CMSS1: variants seen among roughly 807,000 people sequenced by gnomAD.
CMSS1 encodes protein CMSS1.
Under a neutral mutation model 43.5 loss-of-function variants are expected in CMSS1, and 33 were observed. That is an observed-to-expected ratio of 0.76 (90% CI 0.57 to 1.01). CMSS1 has a LOEUF of 1.01. CMSS1 is among the 50% of genes least tolerant of loss of function. The pLI is 0.00. For missense variants in CMSS1, 313 were observed against 326.4 expected (o/e 0.96, Z 0.32); for synonymous variants, 115 against 117.2 (o/e 0.98, Z 0.12).
intron 1 of CMSS1, among the ~76,000 whole-genome samples, chr3:99,887,307 A>ATC (rs750427594): frequency 1.3e-5 from 2 of 152,136 alleles, no homozygotes; most frequent in Non-Finnish European, 2.9e-5. Flanking sequence ...TATCTGGTAG[A>ATC]TCTTCATCAG....
intron 1 of CMSS1, among the ~76,000 whole-genome samples, chr3:100,074,675 ATTTTTTTTTTTTTTTTTTTTT>A (rs555819875): frequency 5.8e-5 from 2 of 34,782 alleles, no homozygotes; most frequent in African/African-American, 1.2e-4. Context: ...GCAACATTTG[ATTTTTTTTTTTTTTTTTTTTT>A]TTTTTTTTTT....
intron 1 of CMSS1, among the ~76,000 whole-genome samples, chr3:100,075,935 T>C (rs1246342707): frequency 6.6e-6 from 1 of 152,206 alleles, no homozygotes; most frequent in Non-Finnish European, 1.5e-5. Flanking sequence ...CTAGAAATCT[T>C]CATTTCTGAT....
In CMSS1 at chr3:99,946,042, G is replaced by A. The variant is rs184952106; in HGVS notation, c.64+127999G>A. ...TATTTCTAGTAATAACCAATAAAAA[G>A]ATAAAGTTCTTGAAATTATGGTCTT... On this transcript the variant is annotated intron_variant, in intron 1 of 9. Transcript: ENST00000421999. Among the ~76,000 whole-genome samples the A allele has an allele frequency of 5.9e-5, 9 of 152,280 alleles. No individual in the cohort carries two copies. In the South Asian group the frequency reaches 1.7e-3, roughly 28 times the overall value.
intron 1 of CMSS1, among the ~76,000 whole-genome samples, chr3:99,869,124 G>A (rs1217388735): frequency 1.3e-5 from 2 of 152,206 alleles, no homozygotes; most frequent in Non-Finnish European, 2.9e-5. Context: ...AGAAGGACAA[G>A]TAGAGTTTTG....
At chr3:100,120,457 T>G (rs565253672) in intron 1 of CMSS1, among the ~76,000 whole-genome samples, 1 of 152,300 alleles carries the variant, frequency 6.6e-6, no homozygotes, top group East Asian at 1.9e-4. Flanking sequence ...ATACACGAGT[T>G]AGAAGTCTTT....
At position 99,819,757 on chromosome 3, in the gene CMSS1, CTTTTTTTT is replaced by C. The variant is rs551286788; in HGVS notation, c.64+1722_64+1729del. Among the ~76,000 whole-genome samples the C allele has an allele frequency of 3.7e-5, 5 of 136,034 alleles. No homozygotes were observed. In the East Asian group the frequency reaches 1.1e-3, roughly 29 times the overall value. The allele number at this position is 136,034 out of a possible 152,430, so 89.2% of individuals were successfully genotyped here. On this transcript the variant is annotated intron_variant, in intron 1 of 9. Transcript: ENST00000421999. ...TTTACCAACCAACAGTTTTTTTTTT[CTTTTTTTT>C]TTTTTTTGACACGGAGTCTCCCTCT...
intron 7 of CMSS1, 58 bp downstream of exon 7, chr3:100,171,957 T>C (rs1411102870): frequency 5.7e-6 from 7 of 1,230,794 alleles, no homozygotes; most frequent in Non-Finnish European, 8.4e-6. Context: ...CTTTTTTCCT[T>C]TCAACCTCTT....
chr3:99,826,253 A>G (rs1263396360), intron 1 of CMSS1, among the ~76,000 whole-genome samples: 1 of 152,190 alleles, frequency 6.6e-6, no homozygotes, highest in Non-Finnish European at 1.5e-5. Flanking sequence ...TGCTTATAAA[A>G]AGTAGTTGAT....
chr3:100,021,830 A>C (rs183545027), intron 1 of CMSS1, among the ~76,000 whole-genome samples: 6 of 152,202 alleles, frequency 3.9e-5, no homozygotes, highest in Admixed American at 3.3e-4. Flanking sequence ...ATTATAATTC[A>C]ATAGAACAGT....
chr3:99,842,085 A>G (rs369844536), intron 1 of CMSS1, among the ~76,000 whole-genome samples: 1 of 152,208 alleles, frequency 6.6e-6, no homozygotes, highest in Admixed American at 6.5e-5. Flanking sequence ...AACCAGCTCA[A>G]ATGTCCATCA....
chr3:100,014,035 T>C (rs1376949330), intron 1 of CMSS1, among the ~76,000 whole-genome samples: 1 of 152,038 alleles, frequency 6.6e-6, no homozygotes, highest in East Asian at 1.9e-4. Flanking sequence ...ATGAATTTGA[T>C]TTTTTAAGAT....
At chr3:99,898,587 T>A in intron 1 of CMSS1, 1 of 174,478 alleles carries the variant, frequency 5.7e-6, no homozygotes, top group South Asian at 9.2e-5. Context: ...GCCAACATGG[T>A]GAAACTCTGT....
At chr3:99,951,772 A>G (rs998615839) in intron 1 of CMSS1, among the ~76,000 whole-genome samples, 7 of 152,224 alleles carry the variant, frequency 4.6e-5, no homozygotes, top group Non-Finnish European at 8.8e-5. Context: ...GGAGCCAAAC[A>G]GTAAATATTT....
At chr3:100,175,064 C>T (rs962246147) in intron 8 of CMSS1, among the ~76,000 whole-genome samples, 3 of 152,026 alleles carry the variant, frequency 2.0e-5, no homozygotes, top group Non-Finnish European at 2.9e-5. Context: ...TCATGAAGCA[C>T]GTTTAATTTT....
chr3:100,127,896 G>C (rs1453939484), intron 1 of CMSS1, among the ~76,000 whole-genome samples: 1 of 152,150 alleles, frequency 6.6e-6, no homozygotes, highest in Non-Finnish European at 1.5e-5. Context: ...AGTAGATTCT[G>C]GTTAGGTAAA....
chr3:100,014,887 C>CTTTTTTTTTT (rs1559725867), intron 1 of CMSS1, among the ~76,000 whole-genome samples: 1 of 32,460 alleles, frequency 3.1e-5, no homozygotes, highest in African/African-American at 1.2e-4. Flanking sequence ...TTTTTTTTTT[C>CTTTTTTTTTT]TTTCTTTCTT....
At chr3:100,118,308 A>G (rs560699043) in intron 1 of CMSS1, among the ~76,000 whole-genome samples, 1 of 152,138 alleles carries the variant, frequency 6.6e-6, no homozygotes, top group East Asian at 1.9e-4. Context: ...CATAACATAC[A>G]CGGCTTATAT....
intron 1 of CMSS1, among the ~76,000 whole-genome samples, chr3:99,876,902 G>A (rs990808277): frequency 4.6e-5 from 7 of 152,202 alleles, no homozygotes; most frequent in Non-Finnish European, 1.0e-4. Context: ...GTTTTGTGCT[G>A]TACTTTCAAG....
intron 1 of CMSS1, among the ~76,000 whole-genome samples, chr3:99,910,970 A>G (rs1706768966): frequency 6.6e-6 from 1 of 152,170 alleles, no homozygotes; most frequent in African/African-American, 2.4e-5. Flanking sequence ...GGCAGAGCTC[A>G]GGTTACAGTT....
Sources: gnomAD v4.1 joint callset for allele counts (sites outside exome capture counted in the v4.1 genomes callset) on GRCh38, gnomAD v4.1.1 for gene constraint, MANE v1.5 for transcripts, NCBI Gene and HGNC (gene_info 2026-07-23, HGNC 2026-07-21) for gene names.